PRR5L: variants seen among roughly 807,000 people sequenced by gnomAD.
The protein encoded by PRR5L is proline-rich protein 5-like.
A neutral mutation model predicts 36.4 loss-of-function variants in PRR5L; 21 were observed. The ratio of observed to expected loss-of-function variants is 0.58; its 90% CI spans 0.41 to 0.83. PRR5L has a LOEUF of 0.83. PRR5L is among the 40% of genes least tolerant of loss of function. PRR5L has a pLI of 0.00. For synonymous variants in PRR5L, 188 were observed against 197.0 expected (o/e 0.95, Z 0.38); for missense variants, 381 against 473.3 (o/e 0.80, Z 1.81).
At position 36,401,163 on chromosome 11, in the gene PRR5L, C is replaced by A. The variant is rs749234323; in HGVS notation, c.42C>A (p.His14Gln). ...CTCCCATTCTGCCCGTCGAGTTCCA[C>A]AAGATGGGCTCCTTCCGCAGGCCTA... is the stretch of plus-strand genomic sequence containing the variant. ...GFAPILPVEF[H>Q]KMGSFRRPRP... is the part of the protein sequence containing the mutation. The change falls in exon 2 of 9, where the codon CAC becomes CAA. Residue 14 changes from histidine to glutamine, a missense_variant. His to Gln is a conservative substitution (Grantham distance 24). Coordinates refer to ENST00000530639, the MANE Select transcript of PRR5L (RefSeq NM_001160167.2). The A allele has an allele frequency of 1.9e-6, 3 of 1,614,172 alleles. No individual in the cohort carries two copies. The Admixed American group carries it at 5.0e-5, about 27-fold the overall frequency.
chr11:36,323,458 C>G (rs1856632200), intron 1 of PRR5L: 1 of 152,198 alleles, frequency 6.6e-6, no homozygotes, highest in African/African-American at 2.4e-5. Context: ...AGCCTGGTAG[C>G]CAGGCTGGGC....
At chr11:36,321,060 G>A (rs1416998803) in intron 1 of PRR5L, 1 of 152,056 alleles carries the variant, frequency 6.6e-6, no homozygotes, top group East Asian at 1.9e-4. Context: ...TTTGCTTTTA[G>A]TTATTTCTGT....
Position 36,344,942 on chromosome 11 carries a change from T to A in PRR5L, c.-126+48504T>A, listed in dbSNP as rs1222542990. 1.3e-5 allele frequency among the ~76,000 whole-genome samples: 2 copies of A among 152,120 alleles called. No individual in the cohort carries two copies. The highest frequency in any genetic ancestry group is 1.3e-4 in the Admixed American group (2 of 15,278). On this transcript the variant is annotated intron_variant, in intron 1 of 8. Coordinates refer to ENST00000530639, the MANE Select transcript of PRR5L (RefSeq NM_001160167.2). The surrounding 1 kb of genome is among the most constrained non-coding windows in gnomAD (Gnocchi z 4.1). Reference sequence around the variant, plus strand: ...ATTTAGCAACAACAAAGTCATCAAATTTTCAGGCAGGGGCCAGAAAGGAAA... The same window carrying A: ...ATTTAGCAACAACAAAGTCATCAAAATTTCAGGCAGGGGCCAGAAAGGAAA...
chr11:36,327,867 T>C (rs1856680713), intron 1 of PRR5L, among the ~76,000 whole-genome samples: 1 of 152,172 alleles, frequency 6.6e-6, no homozygotes, highest in Non-Finnish European at 1.5e-5. Context: ...AACTTCAAGT[T>C]TTCCTGCCTT....
chr11:36,368,653 G>A (rs1857168860), intron 1 of PRR5L, among the ~76,000 whole-genome samples: 1 of 152,184 alleles, frequency 6.6e-6, no homozygotes, highest in African/African-American at 2.4e-5. Context: ...GTATGATAAT[G>A]CAACAACAGA....
chr11:36,400,126 A>C (rs1857759671), intron 1 of PRR5L, among the ~76,000 whole-genome samples: 1 of 152,208 alleles, frequency 6.6e-6, no homozygotes, highest in South Asian at 2.1e-4. Context: ...GGGTTTAAAT[A>C]AGCAGAGGGA....
intron 4 of PRR5L, among the ~76,000 whole-genome samples, chr11:36,431,300 G>A (rs751926): frequency 0.5 from 76,464 of 152,014 alleles, 20,422 homozygotes; most frequent in Non-Finnish European, 0.59. Flanking sequence ...ATGTAGACAG[G>A]ACGCTCAACA....
rs570296983 is a variant in PRR5L, at chr11:36,377,344, C to T, written c.-125-23653C>T. Among the ~76,000 whole-genome samples, 1 of 152,308 alleles carries T rather than the reference C, an allele frequency of 6.6e-6. No homozygotes were observed. Among genetic ancestry groups the T allele is most frequent in the East Asian group, 1.9e-4 (1 of 5,146 alleles). On this transcript the variant is annotated intron_variant, in intron 1 of 8. Coordinates refer to ENST00000530639, the MANE Select transcript of PRR5L (RefSeq NM_001160167.2). The surrounding 1 kb of genome is among the most constrained non-coding windows in gnomAD (Gnocchi z 5.1). ...GCCCTGGGACGGCCCGGCTGCGGAC[C>T]CCGCGCTGGGAGTCCGCAGTATCCC...
At chr11:36,397,077 T>C (rs1014753708) in intron 1 of PRR5L, among the ~76,000 whole-genome samples, 7 of 150,278 alleles carry the variant, frequency 4.7e-5, no homozygotes, top group Admixed American at 1.3e-4. Flanking sequence ...CTTTTTTTTT[T>C]TTTTTTTTGA....
chr11:36,449,834 C>T lies in PRR5L; in HGVS notation c.586-1375C>T, dbSNP rs1858907785. ...AGCCAAGTTCTCAGCAGCAACTTTT[C>T]TGAGAGAAAACCATCTAGCTCCAAA... On this transcript the variant is annotated intron_variant, in intron 7 of 8. Coordinates refer to ENST00000530639, the MANE Select transcript of PRR5L (RefSeq NM_001160167.2). Among the ~76,000 whole-genome samples, 3 of 152,244 alleles carry T rather than the reference C, an allele frequency of 2.0e-5. No individual in the cohort carries two copies. The South Asian group carries it at 6.2e-4, about 32-fold the overall frequency.
At chr11:36,404,103 G>C (rs2133561800) in intron 3 of PRR5L, among the ~76,000 whole-genome samples, 1 of 152,226 alleles carries the variant, frequency 6.6e-6, no homozygotes, top group Middle Eastern at 3.4e-3. Context: ...AGTTCCTCTG[G>C]TTGCAATGAG....
chr11:36,337,782 G>A (rs1478562808), intron 1 of PRR5L, among the ~76,000 whole-genome samples: 1 of 152,194 alleles, frequency 6.6e-6, no homozygotes, highest in Non-Finnish European at 1.5e-5. Flanking sequence ...ACGAAAGTGT[G>A]AAGTCTTTGG....
chr11:36,359,907 C>G (rs889925209), intron 1 of PRR5L, among the ~76,000 whole-genome samples: 1 of 152,034 alleles, frequency 6.6e-6, no homozygotes, highest in Non-Finnish European at 1.5e-5. Context: ...CATGGTGATG[C>G]GCGCCTGTAG....
chr11:36,362,873 G>A (rs771185858), intron 1 of PRR5L, among the ~76,000 whole-genome samples: 10 of 152,186 alleles, frequency 6.6e-5, no homozygotes, highest in Admixed American at 3.9e-4. Flanking sequence ...CTGGGGGGTG[G>A]TGTGTGTGCT....
At chr11:36,327,899 C>A (rs1249158280) in intron 1 of PRR5L, among the ~76,000 whole-genome samples, 4 of 152,210 alleles carry the variant, frequency 2.6e-5, no homozygotes, top group African/African-American at 9.7e-5. Flanking sequence ...CCAATGTACA[C>A]CTTACACTTA....
intron 1 of PRR5L, among the ~76,000 whole-genome samples, chr11:36,339,319 T>A (rs897553271): frequency 2.0e-5 from 3 of 152,194 alleles, no homozygotes; most frequent in Non-Finnish European, 4.4e-5. Context: ...GTCTGAAACT[T>A]CTGACCTCAG....
intron 1 of PRR5L, among the ~76,000 whole-genome samples, chr11:36,356,132 G>A (rs528347383): frequency 1.6e-4 from 25 of 151,824 alleles, no homozygotes; most frequent in African/African-American, 6.0e-4. Context: ...GGCTGGTCTC[G>A]ACCTCCTGAG....
At position 36,398,103 on chromosome 11, in the gene PRR5L, A is replaced by C. The variant is rs867469723; in HGVS notation, c.-125-2894A>C. 2.0e-5 allele frequency among the ~76,000 whole-genome samples: 3 copies of C among 152,322 alleles called. No individual in the cohort carries two copies. The South Asian group carries it at 6.2e-4, about 32-fold the overall frequency. On this transcript the variant is annotated intron_variant, in intron 1 of 8. Coordinates refer to ENST00000530639, the MANE Select transcript of PRR5L (RefSeq NM_001160167.2). ...GCAGTGAGCTTAGTCTTGAGGATAT[A>C]GAGGTGAATAAAGCCCGATGCCTGT...
chr11:36,400,452 C>T (rs1204060345), intron 1 of PRR5L, among the ~76,000 whole-genome samples: 1 of 152,042 alleles, frequency 6.6e-6, no homozygotes, highest in African/African-American at 2.4e-5. Flanking sequence ...ATAGCAAACA[C>T]TCAGTGAGTG....
Sources: allele counts gnomAD v4.1 joint callset (sites outside exome capture counted in the v4.1 genomes callset), GRCh38; gene constraint gnomAD v4.1.1; non-coding constraint Gnocchi (gnomAD v3.1); transcripts MANE v1.5; gene names NCBI Gene and HGNC (gene_info 2026-07-23, HGNC 2026-07-21).